Variants in COL14A1 observed in about 807,000 individuals in gnomAD.
The protein encoded by COL14A1 is collagen type XIV alpha 1 chain, also known as collagen alpha-1(XIV) chain.
In COL14A1, 136 loss-of-function variants were observed where a neutral mutation model predicts 230.3. That is an observed-to-expected ratio of 0.59 (90% CI 0.51 to 0.68). The LOEUF is 0.68. COL14A1 is among the 30% of genes least tolerant of loss of function. COL14A1 has a pLI of 0.00. For missense variants in COL14A1, 1,976 were observed against 2,215.8 expected, an observed-to-expected ratio of 0.89 and a Z score of 2.17; for synonymous variants, 792 against 784.1, an observed-to-expected ratio of 1.01 and a Z score of -0.17.
chr8:120,323,811 T>C (rs560372480), intron 40 of COL14A1, among the ~76,000 whole-genome samples: 2 of 152,334 alleles, frequency 1.3e-5, no homozygotes, highest in Admixed American at 1.3e-4. Context: ...GTTCTTTTGG[T>C]TATCGTACCT....
At chr8:120,175,069 A>G (rs961570185) in intron 5 of COL14A1, among the ~76,000 whole-genome samples, 5 of 152,230 alleles carry the variant, frequency 3.3e-5, no homozygotes, top group African/African-American at 4.8e-5. Context: ...CTGAGATACA[A>G]TCAGACGTAT....
At chr8:120,142,992 ATGCTT>A (rs771103015) in intron 1 of COL14A1, among the ~76,000 whole-genome samples, 9 of 152,244 alleles carry the variant, frequency 5.9e-5, no homozygotes, top group Non-Finnish European at 1.3e-4. Flanking sequence ...TTACGTAACT[ATGCTT>A]TGCTGCATTC....
At chr8:120,181,310 T>C (rs186586787) in intron 5 of COL14A1, among the ~76,000 whole-genome samples, 30 of 152,186 alleles carry the variant, frequency 2.0e-4, no homozygotes, top group Non-Finnish European at 3.5e-4. Context: ...CATGAAAAAA[T>C]TGAAGAATTT....
intron 2 of COL14A1, among the ~76,000 whole-genome samples, chr8:120,152,522 T>G (rs1351341358): frequency 6.6e-6 from 1 of 150,570 alleles, no homozygotes; most frequent in Non-Finnish European, 1.5e-5. Flanking sequence ...TTCTTGCTCC[T>G]TAATTGCTAA....
At position 120,371,529 on chromosome 8, in the gene COL14A1, T is replaced by C. The variant is rs1812158498; in HGVS notation, c.*298T>C. 1 of 397,786 alleles carries C rather than the reference T, an allele frequency of 2.5e-6. No individual in the cohort carries two copies. Among genetic ancestry groups the C allele is most frequent in the African/African-American group, 2.1e-5 (1 of 48,580 alleles). 24.6% of individuals were successfully genotyped at this position (397,786 alleles called of 1,614,324 possible). A position where few individuals can be genotyped will look rare whatever the true frequency, so the allele number is the denominator to read the frequency against. ...TCAAAGAGGAATTGGGAAAAATAAATTGAACTCTGGAATCTTCTCTCTCAA... is the reference window on the plus strand; with the variant it reads ...TCAAAGAGGAATTGGGAAAAATAAACTGAACTCTGGAATCTTCTCTCTCAA... On this transcript the variant is annotated 3_prime_UTR_variant, in exon 48 of 48. Coordinates refer to ENST00000297848, the MANE Select transcript of COL14A1 (RefSeq NM_021110.4).
At chr8:120,370,628 A>G (rs1411031510) in intron 47 of COL14A1, 1 of 1,454,028 alleles carries the variant, frequency 6.9e-7, no homozygotes. Flanking sequence ...GTCAGCCTGG[A>G]TAGAGGTATA....
At chr8:120,323,116 G>C (rs1821516123) in intron 40 of COL14A1, among the ~76,000 whole-genome samples, 2 of 152,078 alleles carry the variant, frequency 1.3e-5, no homozygotes, top group Non-Finnish European at 2.9e-5. Context: ...ATTCTGACTG[G>C]TGTGAGATCG....
intron 40 of COL14A1, among the ~76,000 whole-genome samples, chr8:120,318,113 G>A (rs1821299009): frequency 6.6e-6 from 1 of 152,154 alleles, no homozygotes; most frequent in Non-Finnish European, 1.5e-5. Flanking sequence ...AAACATAATG[G>A]TGCCCCTGAA....
At chr8:120,156,146 A>G (rs1815469834) in intron 2 of COL14A1, among the ~76,000 whole-genome samples, 2 of 148,874 alleles carry the variant, frequency 1.3e-5, no homozygotes, top group Non-Finnish European at 3.0e-5. Context: ...TAAATTCTTC[A>G]TTCATCTAGC....
At chr8:120,130,533 C>A (rs1814493081) in intron 1 of COL14A1, among the ~76,000 whole-genome samples, 1 of 151,888 alleles carries the variant, frequency 6.6e-6, no homozygotes, top group Non-Finnish European at 1.5e-5. Context: ...CTCTCTTAAA[C>A]AAAAATCACT....
chr8:120,144,076 A>C (rs1815008007), intron 1 of COL14A1, among the ~76,000 whole-genome samples: 1 of 152,080 alleles, frequency 6.6e-6, no homozygotes, highest in African/African-American at 2.4e-5. Context: ...AGTAGAGAAA[A>C]TTATAGGAAT....
chr8:120,312,565 C>A (rs967798230), intron 37 of COL14A1, among the ~76,000 whole-genome samples: 2 of 152,160 alleles, frequency 1.3e-5, no homozygotes, highest in Non-Finnish European at 2.9e-5. Flanking sequence ...CTTCCTTTCC[C>A]TTCTACCTGA....
intron 26 of COL14A1, among the ~76,000 whole-genome samples, chr8:120,275,707 A>G (rs116428191): frequency 0.01 from 1,529 of 152,084 alleles, 27 homozygotes; most frequent in African/African-American, 0.035. Context: ...AGATACACAA[A>G]TGGCCCACAA....
At chr8:120,357,840 G>A (rs901171010) in intron 45 of COL14A1, among the ~76,000 whole-genome samples, 6 of 152,228 alleles carry the variant, frequency 3.9e-5, no homozygotes, top group African/African-American at 9.6e-5. Flanking sequence ...AGAGGGAAAC[G>A]CAAGATGCAG....
intron 40 of COL14A1, among the ~76,000 whole-genome samples, chr8:120,325,100 A>G (rs1821612943): frequency 6.6e-6 from 1 of 152,252 alleles, no homozygotes; most frequent in Non-Finnish European, 1.5e-5. Context: ...TTTAGTATTT[A>G]TTCAAATATT....
At chr8:120,242,785 A>G (rs1260467689) in intron 19 of COL14A1, among the ~76,000 whole-genome samples, 1 of 152,190 alleles carries the variant, frequency 6.6e-6, no homozygotes, top group Non-Finnish European at 1.5e-5. Flanking sequence ...TCCTTGTTTC[A>G]TATTTAAAAT....
chr8:120,212,622 A>G (rs765732896), intron 13 of COL14A1, 45 bp downstream of exon 13: 60 of 1,608,062 alleles, frequency 3.7e-5, no homozygotes, highest in Middle Eastern at 1.7e-4. Context: ...GTAAAAGCCC[A>G]CATGAATGTG....
intron 20 of COL14A1, among the ~76,000 whole-genome samples, chr8:120,245,371 T>A (rs917222704): frequency 3.9e-5 from 6 of 152,198 alleles, no homozygotes; most frequent in African/African-American, 1.4e-4. Flanking sequence ...CAAGCTCCTA[T>A]AGTGCTGGGT....
At chr8:120,202,076 G>A (rs966873626) in intron 8 of COL14A1, among the ~76,000 whole-genome samples, 3 of 152,120 alleles carry the variant, frequency 2.0e-5, no homozygotes, top group African/African-American at 7.2e-5. Flanking sequence ...AGTCCTTCAG[G>A]CAAGAACCAT....
Sources: gnomAD v4.1 joint callset for allele counts (sites outside exome capture counted in the v4.1 genomes callset) on GRCh38, gnomAD v4.1.1 for gene constraint, MANE v1.5 for transcripts, NCBI Gene and HGNC (gene_info 2026-07-23, HGNC 2026-07-21) for gene names.